Variants in NGF observed in about 807,000 individuals in gnomAD.
NGF encodes the protein nerve growth factor.
Under a neutral mutation model 12.8 loss-of-function variants are expected in NGF, and 4 were observed. The ratio of observed to expected loss-of-function variants is 0.31; its 90% CI spans 0.15 to 0.72. NGF has a LOEUF of 0.72. Among genes scored for constraint, NGF ranks in the 30% least tolerant of loss-of-function variants. The pLI, the probability that NGF is intolerant of heterozygous loss-of-function variation, is 0.69. For synonymous variants in NGF, 140 were observed against 130.0 expected (o/e 1.08, Z -0.52); for missense variants, 283 against 330.8 (o/e 0.86, Z 1.12).
chr1:115,307,994 A>T (rs1402390526), intron 1 of NGF, among the ~76,000 whole-genome samples: 1 of 152,240 alleles, frequency 6.6e-6, no homozygotes, highest in Non-Finnish European at 1.5e-5. Flanking sequence ...CATTAGGGGA[A>T]TTGGGGTTTC....
chr1:115,313,568 T>TA (rs2101042365), intron 1 of NGF, among the ~76,000 whole-genome samples: 1 of 152,366 alleles, frequency 6.6e-6, no homozygotes, highest in South Asian at 2.1e-4. Context: ...GTTTCTTTAT[T>TA]AAAAGCTTTT....
Position 115,309,097 on chromosome 1 carries a change from G to C in NGF, c.-136-15347C>G, listed in dbSNP as rs113493208. ...TCTTTAGCAGAATGACGTGGAGAAGGCTGCTGGGATACCTGAAGCAATAAG... is the reference window on the plus strand; with the variant it reads ...TCTTTAGCAGAATGACGTGGAGAAGCCTGCTGGGATACCTGAAGCAATAAG... On this transcript the variant is annotated intron_variant, in intron 1 of 2. Transcript: ENST00000369512. 6.9e-3 allele frequency among the ~76,000 whole-genome samples: 1,044 copies of C among 152,286 alleles called. 13 individuals carry two copies. The highest frequency in any genetic ancestry group is 0.024 in the African/African-American group (994 of 41,552).
intron 1 of NGF, among the ~76,000 whole-genome samples, chr1:115,317,956 C>T (rs1176832681): frequency 1.3e-5 from 2 of 151,960 alleles, no homozygotes; most frequent in Non-Finnish European, 2.9e-5. Flanking sequence ...AATGATAGCC[C>T]CGGGCTAGCT....
chr1:115,334,420 T>A (rs968122976), intron 1 of NGF, among the ~76,000 whole-genome samples: 1 of 152,162 alleles, frequency 6.6e-6, no homozygotes, highest in Admixed American at 6.5e-5. Context: ...ATAGCACCTG[T>A]CCCTTCACCT....
In NGF at chr1:115,286,115, C is replaced by CGTATCTA. The variant is rs746752363; in HGVS notation, c.674_680dup (p.Ala228ArgfsTer46). 1 of 1,613,364 alleles carries CGTATCTA rather than the reference C, an allele frequency of 6.2e-7. No homozygotes were observed. The highest frequency in any genetic ancestry group is 1.3e-5 in the African/African-American group (1 of 74,962). On this transcript the variant is annotated frameshift_variant, in exon 3 of 3. Transcript: ENST00000369512. LOFTEE classifies it high-confidence loss of function. ...TCCTGCTGAGCACACACACACAGGC[C>CGTATCTA]GTATCTATCCGGATAAACCGCCAGG... is the stretch of plus-strand genomic sequence containing the variant.
At chr1:115,321,740 C>T (rs999652562) in intron 1 of NGF, among the ~76,000 whole-genome samples, 3 of 152,078 alleles carry the variant, frequency 2.0e-5, no homozygotes, top group Non-Finnish European at 4.4e-5. Flanking sequence ...AAGAATCTGC[C>T]TGACAGCCAG....
intron 2 of NGF, among the ~76,000 whole-genome samples, chr1:115,288,104 C>T (rs561033742): frequency 6.6e-5 from 10 of 152,330 alleles, no homozygotes; most frequent in African/African-American, 9.6e-5. Flanking sequence ...CACACAGATA[C>T]GACCTAGTCC....
intron 1 of NGF, among the ~76,000 whole-genome samples, chr1:115,314,245 GATCCAATC>G (rs1217047697): frequency 2.6e-5 from 4 of 152,132 alleles, no homozygotes; most frequent in Non-Finnish European, 2.9e-5. Flanking sequence ...TTTTGGCTTG[GATCCAATC>G]GACCCTTCTG....
intron 1 of NGF, among the ~76,000 whole-genome samples, chr1:115,327,100 C>T (rs1478222631): frequency 6.6e-6 from 1 of 152,110 alleles, no homozygotes; most frequent in Non-Finnish European, 1.5e-5. Context: ...AATAACTTTC[C>T]CAAACCATAA....
At chr1:115,293,238 C>T (rs976373431) in intron 2 of NGF, among the ~76,000 whole-genome samples, 1 of 152,050 alleles carries the variant, frequency 6.6e-6, no homozygotes, top group Non-Finnish European at 1.5e-5. Context: ...CTTCCCTACC[C>T]CTCTACTCCA....
At chr1:115,331,323 T>A (rs1458337678) in intron 1 of NGF, among the ~76,000 whole-genome samples, 1 of 152,218 alleles carries the variant, frequency 6.6e-6, no homozygotes. Flanking sequence ...GTTCTATCTG[T>A]GTGCCAGGAC....
At chr1:115,313,820 G>A (rs1204100734) in intron 1 of NGF, among the ~76,000 whole-genome samples, 1 of 152,170 alleles carries the variant, frequency 6.6e-6, no homozygotes, top group African/African-American at 2.4e-5. Context: ...ACAGTTGAGG[G>A]CAGAGCTAAA....
rs566479877 is a variant in NGF, at chr1:115,318,863, C to T, written c.-137+19341G>A. 4.6e-5 allele frequency among the ~76,000 whole-genome samples: 7 copies of T among 152,316 alleles called. No homozygotes were observed. In the South Asian group the frequency reaches 6.2e-4, roughly 14 times the overall value. On this transcript the variant is annotated intron_variant, in intron 1 of 2. Coordinates refer to ENST00000369512, the MANE Select transcript of NGF (RefSeq NM_002506.3). ...TTCAAGACTAGCCATCAATAGCTGG[C>T]AATGCCACCCAAATCACTTCTCATT...
At chr1:115,329,973 C>CT (rs1332128736) in intron 1 of NGF, among the ~76,000 whole-genome samples, 1 of 152,000 alleles carries the variant, frequency 6.6e-6, no homozygotes, top group East Asian at 1.9e-4. Context: ...TCAGGATGGC[C>CT]TTAAACTCCT....
At chr1:115,293,192 C>A (rs1012457782) in intron 2 of NGF, among the ~76,000 whole-genome samples, 1 of 152,150 alleles carries the variant, frequency 6.6e-6, no homozygotes, top group African/African-American at 2.4e-5. Context: ...AGAAGTGGAA[C>A]TCGGAGCCAC....
intron 1 of NGF, among the ~76,000 whole-genome samples, chr1:115,318,454 G>A (rs1029680489): frequency 2.0e-5 from 3 of 152,174 alleles, no homozygotes; most frequent in Non-Finnish European, 4.4e-5. Context: ...TCAGGAAAAG[G>A]AGTAGCATGT....
In NGF at chr1:115,286,068, G is replaced by A. The variant is rs772900409; in HGVS notation, c.*2C>T. On this transcript the variant is annotated 3_prime_UTR_variant, in exon 3 of 3. Coordinates refer to ENST00000369512, the MANE Select transcript of NGF (RefSeq NM_002506.3). ...GGCAGGGGGAGGGAGCGTGTCGGCA[G>A]GTCAGGCTCTTCTCACAGCCTTCCT... 3.7e-6 allele frequency: 6 copies of A among 1,613,000 alleles called. No individual in the cohort carries two copies. Among genetic ancestry groups the A allele is most frequent in the South Asian group, 2.2e-5 (2 of 90,960 alleles).
chr1:115,301,092 C>A (rs1306032846), intron 1 of NGF, among the ~76,000 whole-genome samples: 3 of 152,182 alleles, frequency 2.0e-5, no homozygotes, highest in Admixed American at 1.3e-4. Flanking sequence ...TATTCCCAGT[C>A]TTTTAGTGTT....
At chr1:115,311,814 A>G (rs7544163) in intron 1 of NGF, among the ~76,000 whole-genome samples, 90,114 of 152,036 alleles carry the variant, frequency 0.59, 28,556 homozygotes, top group Non-Finnish European at 0.73. Flanking sequence ...ATGTAAATCA[A>G]ATAAATGTGC....
Sources: allele counts gnomAD v4.1 joint callset (sites outside exome capture counted in the v4.1 genomes callset), GRCh38; gene constraint gnomAD v4.1.1; transcripts MANE v1.5; gene names NCBI Gene and HGNC (gene_info 2026-07-23, HGNC 2026-07-21).